IBTK: variants seen among roughly 807,000 people sequenced by gnomAD.
IBTK encodes the protein inhibitor of Bruton tyrosine kinase.
Under a neutral mutation model 154.9 loss-of-function variants are expected in IBTK, and 83 were observed. That is an observed-to-expected ratio of 0.54 (90% CI 0.45 to 0.64). The LOEUF is 0.64. Ranked by LOEUF, IBTK falls within the 30% of genes least tolerant of loss-of-function variation. IBTK has a pLI of 0.00. For synonymous variants in IBTK, 515 were observed against 536.1 expected (o/e 0.96, Z 0.54); for missense variants, 1,332 against 1,584.6 (o/e 0.84, Z 2.71).
At chr6:82,246,174 A>G (rs931931731) in intron 1 of IBTK, among the ~76,000 whole-genome samples, 5 of 152,170 alleles carry the variant, frequency 3.3e-5, no homozygotes, top group African/African-American at 1.2e-4. Context: ...AAAAATTTCA[A>G]TGCAAGTAGT....
At chr6:82,173,019 TGAGACAGAG>T (rs1562065645) in intron 27 of IBTK, 17 of 96,734 alleles carry the variant, frequency 1.8e-4, no homozygotes, top group Non-Finnish European at 3.5e-4. Flanking sequence ...TTTTTTTTTT[TGAGACAGAG>T]TCTCACTGTG....
intron 1 of IBTK, among the ~76,000 whole-genome samples, chr6:82,244,925 T>C (rs1771088654): frequency 6.6e-6 from 1 of 152,026 alleles, no homozygotes; most frequent in African/African-American, 2.4e-5. Context: ...AGCGCATCCA[T>C]AGTAGGTCAC....
rs543697693 is a variant in IBTK, at chr6:82,246,998, CTT to C, written c.-358+562_-358+563del. On this transcript the variant is annotated intron_variant, in intron 1 of 28. Transcript: ENST00000306270. The stretch of plus-strand genomic sequence containing the variant: ...CCTAATTCGCAGCTGAACTAAAACT[CTT>C]TGAGCCAGACAGCTCTGCCTGTTAC... Among the ~76,000 whole-genome samples, 12 of 152,290 alleles carry C rather than the reference CTT, an allele frequency of 7.9e-5. No individual in the cohort carries two copies. In the South Asian group the frequency reaches 1.2e-3, roughly 16 times the overall value.
chr6:82,240,645 T>G lies in IBTK; in HGVS notation c.-159A>C. 3.6e-6 allele frequency: 2 copies of G among 554,174 alleles called. No individual in the cohort carries two copies. The highest frequency in any genetic ancestry group is 7.4e-5 in the South Asian group (2 of 27,054). The allele number at this position is 554,174 out of a possible 1,614,324, so 34.3% of individuals were successfully genotyped here. On this transcript the variant is annotated 5_prime_UTR_variant, in exon 2 of 29. Transcript: ENST00000306270. ...TGACAATAGTATAAAACTATATATCTTTATACAATTTTTTGGCACTTAAAT... is the reference window on the plus strand; with the variant it reads ...TGACAATAGTATAAAACTATATATCGTTATACAATTTTTTGGCACTTAAAT...
chr6:82,216,086 G>A lies in IBTK; in HGVS notation c.1591C>T (p.Pro531Ser). The change falls in exon 11 of 29, where the codon CCT becomes TCT. Residue 531 changes from proline (P) to serine (S), a missense_variant. Pro to Ser is a moderately conservative substitution (Grantham distance 74). This residue lies in a region of IBTK where 1,134 missense variants were observed against 1,274.7 expected (regional missense o/e 0.89). Coordinates refer to ENST00000306270, the MANE Select transcript of IBTK (RefSeq NM_015525.4). ...TATATACAAGTATACCTTGTTTTAG[G>A]ATCTGACTGCAGGATTGCAAAGTTG... ...GCNFAILQSD[P>S]KTSLYEIPAV... 1 of 1,605,848 alleles carries A rather than the reference G, an allele frequency of 6.2e-7. No homozygotes were observed. Among genetic ancestry groups the A allele is most frequent in the Non-Finnish European group, 8.5e-7 (1 of 1,177,222 alleles).
At chr6:82,203,308 A>G (rs1769281349) in intron 17 of IBTK, among the ~76,000 whole-genome samples, 2 of 152,120 alleles carry the variant, frequency 1.3e-5, no homozygotes, top group South Asian at 4.1e-4. Flanking sequence ...CTCCCAGAAT[A>G]TTCTACCTAC....
At chr6:82,189,320 C>T (rs1768673786) in intron 25 of IBTK, among the ~76,000 whole-genome samples, 1 of 151,810 alleles carries the variant, frequency 6.6e-6, no homozygotes, top group Non-Finnish European at 1.5e-5. Context: ...GAGAAGAAAA[C>T]AGGAGGTAAC....
At chr6:82,199,802 A>G (rs1769132997) in intron 21 of IBTK, among the ~76,000 whole-genome samples, 1 of 152,166 alleles carries the variant, frequency 6.6e-6, no homozygotes, top group African/African-American at 2.4e-5. Context: ...ATACTGAACT[A>G]TATGCACAAG....
chr6:82,182,096 G>C, intron 25 of IBTK, 68 bp from the exon 26 acceptor site: 2 of 1,486,164 alleles, frequency 1.3e-6, no homozygotes, highest in Non-Finnish European at 1.8e-6. Context: ...GAAGTTATAA[G>C]AGAACAATAA....
intron 2 of IBTK, among the ~76,000 whole-genome samples, chr6:82,235,959 C>T (rs189567594): frequency 2.9e-4 from 44 of 152,236 alleles, no homozygotes; most frequent in Admixed American, 1.9e-3. Flanking sequence ...CTGCAACCTC[C>T]ATCTCCTGGG....
chr6:82,199,708 C>A (rs1429067018), intron 21 of IBTK, among the ~76,000 whole-genome samples: 3 of 152,136 alleles, frequency 2.0e-5, no homozygotes, highest in Non-Finnish European at 2.9e-5. Context: ...TCAACAGCCA[C>A]CCATAGCCTT....
chr6:82,192,144 ATGT>A (rs1172635988), intron 23 of IBTK, among the ~76,000 whole-genome samples: 2 of 152,136 alleles, frequency 1.3e-5, no homozygotes, highest in Non-Finnish European at 2.9e-5. Flanking sequence ...CAAAGTCATA[ATGT>A]TGTGATATAA....
intron 18 of IBTK, 123 bp downstream of exon 18, chr6:82,202,405 A>G (rs1769242378): frequency 1.5e-6 from 1 of 677,146 alleles, no homozygotes; most frequent in Admixed American, 2.7e-5. Flanking sequence ...AATCATCAGC[A>G]TTGATCAAAT....
chr6:82,191,203 G>A lies in IBTK; in HGVS notation c.3445C>T (p.His1149Tyr), dbSNP rs368310108. The A allele has an allele frequency of 6.2e-7, 1 of 1,606,492 alleles. No individual in the cohort carries two copies. The highest frequency in any genetic ancestry group is 1.3e-5 in the African/African-American group (1 of 74,660). The change falls in exon 25 of 29, where the codon CAT becomes TAT. Residue 1149 changes from histidine (H) to tyrosine (Y), a missense_variant. His to Tyr is a moderately conservative substitution (Grantham distance 83). This residue lies in a region of IBTK where 1,134 missense variants were observed against 1,274.7 expected (regional missense o/e 0.89). Transcript: ENST00000306270. ...PKSHLGKTVS[H>Y]GVKLSQKQRK... ...TGCTTCTGAGAAAGTTTAACTCCAT[G>A]AGAAACTGTTTTGCTAGAAATTAAA...
At chr6:82,247,098 T>TA (rs1408581429) in intron 1 of IBTK, among the ~76,000 whole-genome samples, 1 of 152,132 alleles carries the variant, frequency 6.6e-6, no homozygotes, top group Non-Finnish European at 1.5e-5. Flanking sequence ...CCTTTTTACA[T>TA]AGCAATCAAT....
intron 26 of IBTK, among the ~76,000 whole-genome samples, chr6:82,176,713 A>G (rs1393097380): frequency 6.6e-6 from 1 of 152,096 alleles, no homozygotes; most frequent in Non-Finnish European, 1.5e-5. Context: ...CAACATTGTC[A>G]TTCTTGCCCT....
At chr6:82,180,360 C>T (rs1173977257) in intron 26 of IBTK, among the ~76,000 whole-genome samples, 1 of 151,954 alleles carries the variant, frequency 6.6e-6, no homozygotes, top group East Asian at 1.9e-4. Context: ...ATCCTCCCAC[C>T]CAGCCTCCTG....
intron 2 of IBTK, among the ~76,000 whole-genome samples, chr6:82,238,634 C>T (rs1770824137): frequency 6.6e-6 from 1 of 151,952 alleles, no homozygotes; most frequent in Non-Finnish European, 1.5e-5. Flanking sequence ...AGAGACAGGG[C>T]TTCACCATGT....
At chr6:82,246,315 A>G (rs554957254) in intron 1 of IBTK, among the ~76,000 whole-genome samples, 1 of 151,676 alleles carries the variant, frequency 6.6e-6, no homozygotes, top group South Asian at 2.1e-4. Context: ...ACAGGCACAC[A>G]TCACCATGCC....
Sources: gnomAD v4.1 joint callset for allele counts (sites outside exome capture counted in the v4.1 genomes callset) on GRCh38, gnomAD v4.1.1 for gene constraint, gnomAD v4.1.1 regional missense constraint, MANE v1.5 for transcripts, NCBI Gene and HGNC (gene_info 2026-07-23, HGNC 2026-07-21) for gene names.